RBFOX1: variants seen among roughly 807,000 people sequenced by gnomAD.
The protein encoded by RBFOX1 is RNA binding fox-1 homolog 1.
A neutral mutation model predicts 57.7 loss-of-function variants in RBFOX1; 8 were observed. That is an observed-to-expected ratio of 0.14 (90% CI 0.08 to 0.25). RBFOX1 has a LOEUF of 0.25. RBFOX1 is among the 10% of genes least tolerant of loss of function. RBFOX1 has a pLI of 1.00. For synonymous variants in RBFOX1, 326 were observed against 222.4 expected (o/e 1.47, Z -4.15); for missense variants, 611 against 548.5 (o/e 1.11, Z -1.14).
intron 1 of RBFOX1, among the ~76,000 whole-genome samples, chr16:6,224,314 G>A (rs183702554): frequency 2.0e-5 from 3 of 152,054 alleles, no homozygotes; most frequent in African/African-American, 4.8e-5. Context: ...CCATTTTCAC[G>A]ATATTGATTC....
intron 1 of RBFOX1, among the ~76,000 whole-genome samples, chr16:6,173,051 G>C (rs1482161143): frequency 6.6e-6 from 1 of 152,122 alleles, no homozygotes; most frequent in African/African-American, 2.4e-5. Context: ...GCAAGAAAAG[G>C]TTCTCAGATT....
chr16:7,612,931 C>G (rs955933078), intron 10 of RBFOX1, among the ~76,000 whole-genome samples: 1 of 152,180 alleles, frequency 6.6e-6, no homozygotes, highest in Non-Finnish European at 1.5e-5. Context: ...AGATGCACCA[C>G]TTGAACACAC....
chr16:6,601,863 G>C (rs546545757), intron 2 of RBFOX1, among the ~76,000 whole-genome samples: 10 of 152,288 alleles, frequency 6.6e-5, no homozygotes, highest in Middle Eastern at 3.4e-3. Flanking sequence ...GCTTGAAGAG[G>C]ATGTTAAAGA....
At position 6,136,723 on chromosome 16, in the gene RBFOX1, A is replaced by G. The variant is rs147975172; in HGVS notation, c.-127+116731A>G. The stretch of plus-strand genomic sequence containing the variant: ...AAGCATTTCTCTTCAAAATTCTTCT[A>G]CAGCCCCCCAAAATACCTAATGCAT... On this transcript the variant is annotated intron_variant, in intron 1 of 15. Transcript: ENST00000550418. Among the ~76,000 whole-genome samples, 217 of 152,318 alleles carry G rather than the reference A, an allele frequency of 1.4e-3. 3 individuals carry two copies. In the East Asian group the frequency reaches 0.02, roughly 14 times the overall value.
At chr16:6,514,560 G>T (rs2096331801) in intron 2 of RBFOX1, among the ~76,000 whole-genome samples, 1 of 152,288 alleles carries the variant, frequency 6.6e-6, no homozygotes, top group Non-Finnish European at 1.5e-5. Flanking sequence ...GCAGTTGAAA[G>T]TGTAGGCACG....
Position 6,701,787 on chromosome 16 carries a change from C to A in RBFOX1, c.-16+47137C>A, listed in dbSNP as rs9806919. 2.0e-5 allele frequency among the ~76,000 whole-genome samples: 3 copies of A among 152,222 alleles called. No individual in the cohort carries two copies. In the South Asian group the frequency reaches 6.2e-4, roughly 32 times the overall value. On this transcript the variant is annotated intron_variant, in intron 3 of 15. Coordinates refer to ENST00000550418, the MANE Select transcript of RBFOX1 (RefSeq NM_018723.4). ...TATGCAGCCAGAAAAAGAATGAAATCGTGTCCTTTGCAGCAACATGGATGG... is the reference window on the plus strand; with the variant it reads ...TATGCAGCCAGAAAAAGAATGAAATAGTGTCCTTTGCAGCAACATGGATGG...
At chr16:6,237,495 C>A (rs904314234) in intron 1 of RBFOX1, among the ~76,000 whole-genome samples, 29 of 152,112 alleles carry the variant, frequency 1.9e-4, no homozygotes, top group Non-Finnish European at 2.4e-4. Context: ...GAAATACCTG[C>A]CTTATTGGGA....
intron 4 of RBFOX1, among the ~76,000 whole-genome samples, chr16:7,323,407 G>C (rs1295482362): frequency 6.6e-6 from 1 of 152,216 alleles, no homozygotes; most frequent in African/African-American, 2.4e-5. Context: ...CTGGGTGACA[G>C]AGTGAGACCC....
chr16:6,639,776 G>T (rs1308584620), intron 2 of RBFOX1, among the ~76,000 whole-genome samples: 1 of 152,140 alleles, frequency 6.6e-6, no homozygotes, highest in African/African-American at 2.4e-5. Context: ...CTACTCGGGA[G>T]GCTGAGGCAG....
intron 3 of RBFOX1, among the ~76,000 whole-genome samples, chr16:5,650,254 C>T (rs1424432348): frequency 6.6e-6 from 1 of 152,170 alleles, no homozygotes; most frequent in Non-Finnish European, 1.5e-5. Context: ...ACTCTGATGG[C>T]CTCGGGAGAT....
intron 4 of RBFOX1, among the ~76,000 whole-genome samples, chr16:7,298,369 G>A (rs1262919568): frequency 1.4e-5 from 2 of 143,102 alleles, no homozygotes; most frequent in African/African-American, 5.3e-5. Context: ...GCCTACCGCA[G>A]CCTCCGCCTC....
At chr16:6,293,985 T>A (rs79915572) in intron 1 of RBFOX1, among the ~76,000 whole-genome samples, 2,112 of 152,242 alleles carry the variant, frequency 0.014, 14 homozygotes, top group Middle Eastern at 0.027. Flanking sequence ...AGATGTAATG[T>A]TTGCCTTATC....
At chr16:6,038,227 G>A (rs939532816) in intron 1 of RBFOX1, 1 of 149,434 alleles carries the variant, frequency 6.7e-6, no homozygotes, top group Non-Finnish European at 1.5e-5. Flanking sequence ...TGTCATCCAG[G>A]CTGGAGTGCA....
chr16:7,031,740 T>C (rs1187634085), intron 3 of RBFOX1, among the ~76,000 whole-genome samples: 1 of 152,206 alleles, frequency 6.6e-6, no homozygotes, highest in Non-Finnish European at 1.5e-5. Context: ...CTATACTCTG[T>C]GCCCTCAAAC....
chr16:6,472,045 C>A (rs1482680597), intron 2 of RBFOX1, among the ~76,000 whole-genome samples: 1 of 152,188 alleles, frequency 6.6e-6, no homozygotes, highest in African/African-American at 2.4e-5. Context: ...CATCACCCCC[C>A]ATTCTTTCTC....
chr16:6,574,055 C>G (rs78805804), intron 2 of RBFOX1, among the ~76,000 whole-genome samples: 1 of 152,186 alleles, frequency 6.6e-6, no homozygotes, highest in African/African-American at 2.4e-5. Flanking sequence ...TCTGCCAACC[C>G]TGTTCCCCTT....
intron 4 of RBFOX1, among the ~76,000 whole-genome samples, chr16:7,406,001 C>G (rs989916718): frequency 5.3e-5 from 8 of 152,142 alleles, no homozygotes; most frequent in African/African-American, 1.2e-4. Flanking sequence ...GCAATTGATC[C>G]TGCAACACAC....
At chr16:7,206,730 C>G (rs1009673687) in intron 4 of RBFOX1, among the ~76,000 whole-genome samples, 2 of 152,004 alleles carry the variant, frequency 1.3e-5, no homozygotes, top group Non-Finnish European at 2.9e-5. Flanking sequence ...ATGCCGACGA[C>G]ATTTACTGTG....
intron 1 of RBFOX1, among the ~76,000 whole-genome samples, chr16:5,247,368 C>A (rs1215758188): frequency 6.6e-6 from 1 of 152,184 alleles, no homozygotes; most frequent in Non-Finnish European, 1.5e-5. Context: ...TGGTGGAGAG[C>A]CCTGCCCTGG....
Sources: gnomAD v4.1 joint callset for allele counts (sites outside exome capture counted in the v4.1 genomes callset) on GRCh38, gnomAD v4.1.1 for gene constraint, MANE v1.5 for transcripts, NCBI Gene and HGNC (gene_info 2026-07-23, HGNC 2026-07-21) for gene names.